The following WWC2 variants were observed in gnomAD, a reference collection of about 807,000 sequenced individuals.
WWC2 encodes the protein WW and C2 domain containing 2, also known as protein WWC2.
WWC2 carries 101 observed loss-of-function variants against 138.5 expected under a neutral mutation model. That is an observed-to-expected ratio of 0.73 (90% confidence interval 0.62 to 0.86). WWC2 has a LOEUF of 0.86. Among genes scored for constraint, WWC2 ranks in the 40% least tolerant of loss-of-function variants. The probability of loss-of-function intolerance (pLI) is 0.00; values close to 1 mark genes in which losing one functional copy is unlikely to be tolerated. For synonymous variants in WWC2, 558 were observed against 538.4 expected, an observed-to-expected ratio of 1.04 and a Z score of -0.50; for missense variants, 1,420 against 1,419.4, an observed-to-expected ratio of 1.00 and a Z score of -0.01.
At chr4:183,247,518 TAC>T (rs2111327569) in intron 6 of WWC2, among the ~76,000 whole-genome samples, 3 of 142,600 alleles carry the variant, frequency 2.1e-5, no homozygotes, top group African/African-American at 7.9e-5. Flanking sequence ...ATATACACTA[TAC>T]TATATATATA....
chr4:183,107,959 A>G (rs948194668), intron 1 of WWC2, among the ~76,000 whole-genome samples: 4 of 152,074 alleles, frequency 2.6e-5, no homozygotes, highest in Admixed American at 6.6e-5. Context: ...CCTTCTTCCT[A>G]AACACTCAGA....
At chr4:183,266,082 T>C in intron 14 of WWC2, 131 bp downstream of exon 14, 1 of 780,086 alleles carries the variant, frequency 1.3e-6, no homozygotes, top group Non-Finnish European at 2.0e-6. Context: ...CATGTCTAAA[T>C]GAATGGCAGA....
In WWC2 at chr4:183,286,245, G is replaced by T. The variant is rs58788652; in HGVS notation, c.3141+186G>T. Among the ~76,000 whole-genome samples, 13,821 of 152,118 alleles carry T rather than the reference G, an allele frequency of 0.091. 707 individuals carry two copies. The highest frequency in any genetic ancestry group is 0.17 in the East Asian group (867 of 5,162). On this transcript the variant is annotated intron_variant, in intron 20 of 22. Coordinates refer to ENST00000403733, the MANE Select transcript of WWC2 (RefSeq NM_024949.6). ...ACTATGGAGATGGGGGGGTGTGAGG[G>T]CATTTATTCATCATTGGTGTGGAAC...
intron 21 of WWC2, among the ~76,000 whole-genome samples, chr4:183,305,582 A>G (rs1739000098): frequency 6.6e-6 from 1 of 152,206 alleles, no homozygotes; most frequent in South Asian, 2.1e-4. Flanking sequence ...GAGAAATCAT[A>G]CAAGCAAGAA....
intron 1 of WWC2, among the ~76,000 whole-genome samples, chr4:183,177,628 A>G (rs567948827): frequency 8.5e-5 from 13 of 152,310 alleles, no homozygotes; most frequent in African/African-American, 3.1e-4. Context: ...AGAAACTTGA[A>G]TCTAAGTTTA....
intron 1 of WWC2, among the ~76,000 whole-genome samples, chr4:183,110,827 GC>G (rs1732207040): frequency 6.6e-6 from 1 of 152,216 alleles, no homozygotes; most frequent in African/African-American, 2.4e-5. Context: ...TGCTCCTGCT[GC>G]ATGTGCAGTG....
At chr4:183,236,268 G>A (rs1470363892) in intron 4 of WWC2, among the ~76,000 whole-genome samples, 3 of 152,126 alleles carry the variant, frequency 2.0e-5, no homozygotes, top group African/African-American at 4.8e-5. Context: ...TTTTGAAAAA[G>A]GAAAAACTTC....
intron 1 of WWC2, among the ~76,000 whole-genome samples, chr4:183,101,503 CAG>C (rs1743179566): frequency 1.3e-5 from 2 of 152,118 alleles, no homozygotes; most frequent in African/African-American, 4.8e-5. Context: ...CTTAAATATT[CAG>C]AGACATAAAT....
intron 21 of WWC2, 72 bp downstream of exon 21, chr4:183,289,707 C>T (rs1738376895): frequency 8.4e-6 from 13 of 1,553,394 alleles, no homozygotes; most frequent in South Asian, 1.2e-5. Context: ...TAGAAGGTAC[C>T]CAACTTACAC....
At chr4:183,201,972 A>G (rs973713072) in intron 2 of WWC2, among the ~76,000 whole-genome samples, 1 of 152,184 alleles carries the variant, frequency 6.6e-6, no homozygotes, top group Non-Finnish European at 1.5e-5. Context: ...GGGGCATACT[A>G]CACCATTCTG....
chr4:183,248,914 T>C (rs545906241), intron 7 of WWC2, 54 bp downstream of exon 7: 11 of 1,443,998 alleles, frequency 7.6e-6, no homozygotes, highest in Admixed American at 4.1e-5. Flanking sequence ...TGGGCCTTAA[T>C]TGCAATATGG....
At chr4:183,147,562 A>T (rs1301877357) in intron 1 of WWC2, among the ~76,000 whole-genome samples, 1 of 152,238 alleles carries the variant, frequency 6.6e-6, no homozygotes, top group African/African-American at 2.4e-5. Context: ...AGTGAATTTC[A>T]GAGATCTGTC....
chr4:183,310,547 G>A (rs77652923), intron 21 of WWC2, among the ~76,000 whole-genome samples: 3,009 of 152,148 alleles, frequency 0.02, 90 homozygotes, highest in African/African-American at 0.069. Context: ...CTGTCACGAA[G>A]GCTGTAGTGC....
rs975544088 is a variant in WWC2, at chr4:183,269,173, T to C, written c.2400+10T>C. 2 of 1,592,758 alleles carry C rather than the reference T, an allele frequency of 1.3e-6. No individual in the cohort carries two copies. Among genetic ancestry groups the C allele is most frequent in the African/African-American group, 1.4e-5 (1 of 71,324 alleles). On this transcript the variant is annotated intron_variant, in intron 15 of 22. Transcript: ENST00000403733. ...AAGGGAAGAATGCCTGGTAGGATTC[T>C]TCATAATTCCCATTACCAAATAGCA...
intron 1 of WWC2, among the ~76,000 whole-genome samples, chr4:183,168,658 A>G (rs1392558159): frequency 6.6e-6 from 1 of 152,096 alleles, no homozygotes; most frequent in East Asian, 1.9e-4. Flanking sequence ...GGAACTTATC[A>G]TTCCGTCCCT....
intron 1 of WWC2, among the ~76,000 whole-genome samples, chr4:183,101,664 G>A (rs1419128482): frequency 6.6e-6 from 1 of 152,186 alleles, no homozygotes; most frequent in Non-Finnish European, 1.5e-5. Flanking sequence ...AGTAAGAGCT[G>A]ATGGGAACGT....
chr4:183,223,789 G>A (rs1735992114), intron 4 of WWC2, among the ~76,000 whole-genome samples: 2 of 152,172 alleles, frequency 1.3e-5, no homozygotes, highest in African/African-American at 4.8e-5. Context: ...GAAGGGCAGT[G>A]CGGCAATCTC....
At chr4:183,194,774 T>A (rs377621573) in intron 2 of WWC2, among the ~76,000 whole-genome samples, 4 of 152,206 alleles carry the variant, frequency 2.6e-5, no homozygotes, top group African/African-American at 9.7e-5. Flanking sequence ...CACTCTGAAG[T>A]CCAGTGAGCA....
At chr4:183,261,587 G>T in intron 11 of WWC2, 55 bp downstream of exon 11, 2 of 1,511,324 alleles carry the variant, frequency 1.3e-6, no homozygotes, top group East Asian at 4.6e-5. Flanking sequence ...TAAGGAGAAT[G>T]ATTGGAGCAT....
Sources: gnomAD v4.1 joint callset for allele counts (sites outside exome capture counted in the v4.1 genomes callset) on GRCh38, gnomAD v4.1.1 for gene constraint, MANE v1.5 for transcripts, NCBI Gene and HGNC (gene_info 2026-07-23, HGNC 2026-07-21) for gene names.